The following TEX11 variants were observed in gnomAD, a reference collection of about 807,000 sequenced individuals.
TEX11 encodes the protein testis expressed 11, also known as testis-expressed protein 11.
In TEX11, 7 loss-of-function variants were observed where a neutral mutation model predicts 84.4. That is an observed-to-expected ratio of 0.08 (90% CI 0.05 to 0.16). The LOEUF is 0.16. Among genes scored for constraint, TEX11 ranks in the 10% least tolerant of loss-of-function variants. TEX11 has a pLI of 1.00. For synonymous variants in TEX11, 264 were observed against 222.8 expected (o/e 1.18, Z -1.64); for missense variants, 551 against 660.5 (o/e 0.83, Z 1.82).
intron 17 of TEX11, among the ~76,000 whole-genome samples, chrX:70,640,877 C>A (rs919411844): frequency 9.2e-6 from 1 of 109,156 alleles, no homozygotes; most frequent in African/African-American, 3.4e-5. Flanking sequence ...GGCAAAAGAA[C>A]CAGCTAACAT....
intron 25 of TEX11, among the ~76,000 whole-genome samples, chrX:70,575,765 A>G (rs1167880157): frequency 8.9e-6 from 1 of 112,009 alleles, no homozygotes; most frequent in Non-Finnish European, 1.9e-5. Context: ...ACCCCTGAAT[A>G]AGAGATAATC....
intron 25 of TEX11, among the ~76,000 whole-genome samples, chrX:70,579,521 A>AAC (rs1405005619): frequency 0.01 from 121 of 11,616 alleles, no homozygotes; most frequent in African/African-American, 0.027. Flanking sequence ...AAAAAAAACA[A>AAC]AAAAAAAAAA....
At chrX:70,834,474 G>A (rs2091394054) in intron 7 of TEX11, among the ~76,000 whole-genome samples, 1 of 110,991 alleles carries the variant, frequency 9.0e-6, no homozygotes, top group Non-Finnish European at 1.9e-5. Flanking sequence ...GAACTTAGTT[G>A]GCCAGGAGCA....
chrX:70,528,071 G>A (rs774463937), downstream of TEX11, among the ~76,000 whole-genome samples: 6 of 111,702 alleles, frequency 5.4e-5, no homozygotes, highest in Non-Finnish European at 9.4e-5. Flanking sequence ...TTTGGAAGGT[G>A]AGGTGACCAG....
chrX:70,578,767 T>C lies in TEX11; in HGVS notation c.2140+12984A>G, dbSNP rs1018488252. ...AAGAAAAAAAGAAGTTGAACTTCTT[T>C]TTTTTTTTTTTTTTTTTTTTGAGAC... On this transcript the variant is annotated intron_variant, in intron 25 of 29. Transcript: ENST00000374333. Among the ~76,000 whole-genome samples the C allele has an allele frequency of 1.3e-4, 11 of 82,324 alleles. No homozygotes were observed. The East Asian group carries it at 3.9e-3, about 29-fold the overall frequency. The allele number at this position is 82,324 out of a possible 115,157, so 71.5% of individuals were successfully genotyped here.
intron 28 of TEX11, among the ~76,000 whole-genome samples, chrX:70,545,534 T>C (rs1251742997): frequency 1.8e-5 from 2 of 111,867 alleles, no homozygotes; most frequent in Non-Finnish European, 3.8e-5. Flanking sequence ...TGCCATTTTC[T>C]GGAATATCTC....
At chrX:70,695,030 T>C (rs1336515596) in intron 13 of TEX11, among the ~76,000 whole-genome samples, 2 of 111,880 alleles carry the variant, frequency 1.8e-5, no homozygotes, top group East Asian at 5.6e-4. Flanking sequence ...CACTGCCACA[T>C]TGGAGAACAA....
At chrX:70,525,774 T>A (rs2147920220), downstream of TEX11, among the ~76,000 whole-genome samples, 1 of 112,070 alleles carries the variant, frequency 8.9e-6, no homozygotes, top group Non-Finnish European at 1.9e-5. Flanking sequence ...GAGCATAGAA[T>A]AAGAGAACCT....
At chrX:70,842,916 T>G (rs1303221729) in intron 7 of TEX11, among the ~76,000 whole-genome samples, 1 of 111,259 alleles carries the variant, frequency 9.0e-6, no homozygotes, top group East Asian at 2.8e-4. Flanking sequence ...GGAATCCAAC[T>G]TACAAGGGAT....
chrX:70,534,090 CAAAAAAAAAA>C (rs1168310559), intron 28 of TEX11, among the ~76,000 whole-genome samples: 1 of 21,730 alleles, frequency 4.6e-5, no homozygotes, highest in African/African-American at 2.2e-4. Flanking sequence ...GACTCCATCT[CAAAAAAAAAA>C]AAAAAAAAAA....
intron 13 of TEX11, among the ~76,000 whole-genome samples, chrX:70,710,983 C>T (rs893790308): frequency 4.8e-4 from 52 of 108,336 alleles, no homozygotes; most frequent in African/African-American, 1.6e-3. Context: ...GTTCCTCTTC[C>T]TGTGTCCATG....
chrX:70,901,102 C>G (rs759923467), intron 2 of TEX11, among the ~76,000 whole-genome samples: 3 of 111,153 alleles, frequency 2.7e-5, no homozygotes, highest in African/African-American at 6.5e-5. Context: ...CCTATATTCC[C>G]TCAGGAAACT....
intron 17 of TEX11, among the ~76,000 whole-genome samples, chrX:70,637,958 T>A (rs2089595547): frequency 9.3e-6 from 1 of 108,051 alleles, no homozygotes; most frequent in Non-Finnish European, 1.9e-5. Flanking sequence ...TAAAAAAAGA[T>A]CTTCCTCAAT....
chrX:70,899,845 TAAAAAAAAAA>T (rs746225121), intron 2 of TEX11, among the ~76,000 whole-genome samples: 1 of 30,600 alleles, frequency 3.3e-5, no homozygotes, highest in Non-Finnish European at 5.7e-5. Context: ...GGTCCTGTAT[TAAAAAAAAAA>T]AAAAAAAAAA....
chrX:70,523,912 A>G, the TEX11 span, among the ~76,000 whole-genome samples: 2 of 110,416 alleles, frequency 1.8e-5, no homozygotes, highest in Non-Finnish European at 3.8e-5. Flanking sequence ...TAGTGATCAC[A>G]AAGAGTTTAT....
intron 12 of TEX11, 131 bp downstream of exon 12, chrX:70,725,131 C>T (rs1158056444): frequency 4.0e-5 from 14 of 349,833 alleles, no homozygotes; most frequent in South Asian, 1.4e-4. Flanking sequence ...TTTTCCCTTT[C>T]CTGGGTGATC....
intron 4 of TEX11, among the ~76,000 whole-genome samples, chrX:70,861,350 T>C (rs1026549880): frequency 9.1e-6 from 1 of 109,406 alleles, no homozygotes; most frequent in South Asian, 4.0e-4. Context: ...CGTGAGCCAC[T>C]GCGCCCGGCC....
chrX:70,749,836 G>A (rs997126439), intron 9 of TEX11, among the ~76,000 whole-genome samples: 17 of 109,915 alleles, frequency 1.5e-4, no homozygotes, highest in East Asian at 2.9e-4. Context: ...GTATTTTATC[G>A]AGGATTTTTG....
chrX:70,791,889 G>A (rs1036136475), intron 9 of TEX11, among the ~76,000 whole-genome samples: 3 of 111,031 alleles, frequency 2.7e-5, no homozygotes, highest in African/African-American at 9.8e-5. Context: ...ACTTTGGGAG[G>A]CCGAGGCGGG....
Sources: allele counts gnomAD v4.1 joint callset (sites outside exome capture counted in the v4.1 genomes callset), GRCh38; gene constraint gnomAD v4.1.1; transcripts MANE v1.5; gene names NCBI Gene and HGNC (gene_info 2026-07-23, HGNC 2026-07-21).